CFAP299: variants seen among roughly 807,000 people sequenced by gnomAD.
CFAP299 encodes the protein cilia- and flagella-associated protein 299.
In CFAP299, 21 loss-of-function variants were observed where a neutral mutation model predicts 27.0. The ratio of observed to expected loss-of-function variants is 0.78; its 90% confidence interval spans 0.55 to 1.12. CFAP299 has a LOEUF of 1.12. Ranked by LOEUF, CFAP299 falls within the 50% of genes most tolerant of loss-of-function variation. The pLI, the probability that CFAP299 is intolerant of heterozygous loss-of-function variation, is 0.00. For synonymous variants in CFAP299, 104 were observed against 98.1 expected (o/e 1.06, Z -0.36); for missense variants, 310 against 276.6 (o/e 1.12, Z -0.86).
intron 3 of CFAP299, among the ~76,000 whole-genome samples, chr4:80,775,230 T>A (rs1179185796): frequency 6.6e-6 from 1 of 151,916 alleles, no homozygotes; most frequent in Non-Finnish European, 1.5e-5. Flanking sequence ...TAATTAAATG[T>A]CTAACATAGG....
In CFAP299 at chr4:80,336,345, C is replaced by G. The variant is rs529699356; in HGVS notation, c.111+466C>G. Among the ~76,000 whole-genome samples the G allele has an allele frequency of 8.5e-5, 13 of 152,208 alleles. No individual in the cohort carries two copies. In the South Asian group the frequency reaches 2.7e-3, roughly 32 times the overall value. ...CTAGTGTATTTGGTGTTATATTGGG[C>G]GTTTGGGTTCATGAACTTCCACCTC... On this transcript the variant is annotated intron_variant, in intron 1 of 5. Coordinates refer to ENST00000358105, the MANE Select transcript of CFAP299 (RefSeq NM_152770.3).
In CFAP299 at chr4:80,788,975, T is replaced by C. The variant is rs141202829; in HGVS notation, c.334-81018T>C. On this transcript the variant is annotated intron_variant, in intron 3 of 5. Transcript: ENST00000358105. ...ATAAACATCTAATACTTTCTTCATC[T>C]CCCATATCTGCTCTCTTTGGCACAT... Among the ~76,000 whole-genome samples the C allele has an allele frequency of 1.3e-3, 195 of 152,224 alleles. 1 individual carries two copies. The highest frequency in any genetic ancestry group is 4.4e-3 in the African/African-American group (181 of 41,574).
intron 4 of CFAP299, among the ~76,000 whole-genome samples, chr4:80,893,071 G>A (rs1734424187): frequency 1.3e-5 from 2 of 150,796 alleles, no homozygotes; most frequent in South Asian, 2.1e-4. Context: ...AAAAACAGAT[G>A]CATTATATCC....
chr4:80,879,347 T>C (rs1733573902), intron 4 of CFAP299, among the ~76,000 whole-genome samples: 1 of 152,140 alleles, frequency 6.6e-6, no homozygotes, highest in Admixed American at 6.6e-5. Context: ...GAGAAATAAT[T>C]AGCTTGCTTA....
rs185060316 is a variant in CFAP299, at chr4:80,787,582, G to C, written c.334-82411G>C. ...CCTGAGGAAGCTCAAGGTAACCACG[G>C]TTAGTAACAGTTATGTGACCAACAG... On this transcript the variant is annotated intron_variant, in intron 3 of 5. Transcript: ENST00000358105. 2.1e-4 allele frequency among the ~76,000 whole-genome samples: 32 copies of C among 151,986 alleles called. No individual in the cohort carries two copies. In the East Asian group the frequency reaches 5.0e-3, roughly 24 times the overall value.
chr4:80,526,625 G>A (rs1170648955), intron 2 of CFAP299, among the ~76,000 whole-genome samples: 1 of 151,626 alleles, frequency 6.6e-6, no homozygotes, highest in Admixed American at 6.6e-5. Flanking sequence ...AATCAAATAA[G>A]GTATCTCCAT....
chr4:80,364,673 G>A (rs181276018), intron 2 of CFAP299, among the ~76,000 whole-genome samples: 1 of 152,278 alleles, frequency 6.6e-6, no homozygotes, highest in East Asian at 1.9e-4. Flanking sequence ...GTGCCATGGT[G>A]GTTTGTTGCA....
chr4:80,950,991 A>C lies in CFAP299; in HGVS notation c.606+6052A>C, dbSNP rs1332680353. Among the ~76,000 whole-genome samples, 4 of 152,324 alleles carry C rather than the reference A, an allele frequency of 2.6e-5. No homozygotes were observed. In the East Asian group the frequency reaches 5.8e-4, roughly 22 times the overall value. On this transcript the variant is annotated intron_variant, in intron 5 of 5. Transcript: ENST00000358105. Reference sequence around the variant, plus strand: ...TGTGTCACAATGACTTAGAATCAAAATTTCTAAGTATGAAAATACATAATC... The same window carrying C: ...TGTGTCACAATGACTTAGAATCAAACTTTCTAAGTATGAAAATACATAATC...
chr4:80,419,966 A>G (rs942013733), intron 2 of CFAP299, among the ~76,000 whole-genome samples: 5 of 152,176 alleles, frequency 3.3e-5, no homozygotes, highest in Admixed American at 6.5e-5. Flanking sequence ...ATTGACATGC[A>G]CATAGGGGAG....
intron 1 of CFAP299, among the ~76,000 whole-genome samples, chr4:80,342,226 C>T (rs1722493374): frequency 6.6e-6 from 1 of 152,148 alleles, no homozygotes. Flanking sequence ...AAGAACCGAA[C>T]CAAGTTTGAA....
chr4:80,336,679 G>C (rs982832898), intron 1 of CFAP299: 1 of 152,242 alleles, frequency 6.6e-6, no homozygotes, highest in Non-Finnish European at 1.5e-5. Context: ...GGAGGCGGAC[G>C]ATGGCTCCTA....
rs1728187513 is a variant in CFAP299, at chr4:80,799,646, ATATT to A, written c.334-70345_334-70342del. On this transcript the variant is annotated intron_variant, in intron 3 of 5. Coordinates refer to ENST00000358105, the MANE Select transcript of CFAP299 (RefSeq NM_152770.3). Reference sequence around the variant, plus strand: ...TATAAATATATAATATATAAAATATATATTTTATATATTATATTTTATAAATATA... The same window carrying A: ...TATAAATATATAATATATAAAATATATTATATATTATATTTTATAAATATA... Among the ~76,000 whole-genome samples, 2 of 19,726 alleles carry A rather than the reference ATATT, an allele frequency of 1.0e-4. 1 individual carries two copies. 12.9% of individuals were successfully genotyped at this position (19,726 alleles called of 152,430 possible). A position where few individuals can be genotyped will look rare whatever the true frequency, so the allele number is the denominator to read the frequency against.
intron 1 of CFAP299, among the ~76,000 whole-genome samples, chr4:80,340,738 G>T (rs1722402362): frequency 6.6e-6 from 1 of 152,138 alleles, no homozygotes; most frequent in African/African-American, 2.4e-5. Flanking sequence ...ATGCAGCACA[G>T]CTGCTGTTCC....
intron 2 of CFAP299, among the ~76,000 whole-genome samples, chr4:80,524,517 A>G (rs1192694967): frequency 6.6e-6 from 1 of 151,984 alleles, no homozygotes; most frequent in Non-Finnish European, 1.5e-5. Flanking sequence ...CTTGAGGGGT[A>G]AAATCACCAC....
chr4:80,401,445 G>T (rs948535833), intron 2 of CFAP299, among the ~76,000 whole-genome samples: 2 of 152,178 alleles, frequency 1.3e-5, no homozygotes, highest in Non-Finnish European at 1.5e-5. Context: ...ATGGCTGAAA[G>T]GGGCCAATGT....
intron 2 of CFAP299, among the ~76,000 whole-genome samples, chr4:80,410,323 G>A (rs185989558): frequency 2.6e-4 from 40 of 152,292 alleles, no homozygotes; most frequent in Admixed American, 2.0e-3. Flanking sequence ...GATAGCCATT[G>A]CCTTGGATGA....
chr4:80,869,526 TC>T (rs1450593480), intron 3 of CFAP299, among the ~76,000 whole-genome samples: 3 of 152,218 alleles, frequency 2.0e-5, no homozygotes, highest in African/African-American at 7.2e-5. Context: ...TTTTCTTTTT[TC>T]TTTGGAGACG....
chr4:80,818,634 T>C (rs1560428004), intron 3 of CFAP299, among the ~76,000 whole-genome samples: 1 of 151,970 alleles, frequency 6.6e-6, no homozygotes, highest in East Asian at 1.9e-4. Flanking sequence ...CAAACCCCCT[T>C]CACCTCTCTA....
At chr4:80,692,684 A>G (rs949272191) in intron 3 of CFAP299, among the ~76,000 whole-genome samples, 1 of 152,172 alleles carries the variant, frequency 6.6e-6, no homozygotes, top group Non-Finnish European at 1.5e-5. Flanking sequence ...ACCAAAGACA[A>G]AATTGACAAA....
Sources: gnomAD v4.1 joint callset for allele counts (sites outside exome capture counted in the v4.1 genomes callset) on GRCh38, gnomAD v4.1.1 for gene constraint, MANE v1.5 for transcripts, NCBI Gene and HGNC (gene_info 2026-07-23, HGNC 2026-07-21) for gene names.